TMEM9B: variants seen among roughly 807,000 people sequenced by gnomAD.
The protein encoded by TMEM9B is TMEM9 domain family member B, also known as transmembrane protein 9B.
TMEM9B carries 8 observed loss-of-function variants against 23.5 expected under a neutral mutation model. The observed-to-expected ratio is 0.34, with a 90% CI of 0.20 to 0.61. The LOEUF (loss-of-function observed/expected upper bound fraction) is 0.61, where lower values mean the gene tolerates loss of function less well. Among genes scored for constraint, TMEM9B ranks in the 20% least tolerant of loss-of-function variants. The pLI is 0.78. For synonymous variants in TMEM9B, 106 were observed against 96.3 expected (o/e 1.10, Z -0.59); for missense variants, 197 against 252.3 (o/e 0.78, Z 1.49).
In TMEM9B at chr11:8,957,327, A is replaced by T. The variant is rs559578109; in HGVS notation, c.198-1029T>A. 6.6e-6 allele frequency among the ~76,000 whole-genome samples: 1 copy of T among 152,246 alleles called. No homozygotes were observed. On this transcript the variant is annotated intron_variant, in intron 2 of 4. Coordinates refer to ENST00000534025, the MANE Select transcript of TMEM9B (RefSeq NM_020644.3). This position sits in a 1 kb window ranked among gnomAD's most constrained non-coding sequence, Gnocchi z 4.3. ...TTATGGTTTGTGTAAACACAGTGCT[A>T]TCAGATTTTTCCTAGAAATCTGTCA...
At chr11:8,950,649 T>A (rs958115834) in intron 4 of TMEM9B, among the ~76,000 whole-genome samples, 1 of 152,256 alleles carries the variant, frequency 6.6e-6, no homozygotes, top group Non-Finnish European at 1.5e-5. Context: ...TTACCCTTTT[T>A]ATGTTTGTTC....
At chr11:8,964,460 C>T (rs941868997), upstream of TMEM9B, 146 of 1,419,882 alleles carry the variant, frequency 1.0e-4, no homozygotes, top group Admixed American at 2.1e-4. Context: ...AAGGCGTCAC[C>T]GGGCGCGCCG....
chr11:8,951,215 G>T (rs1415226987), intron 4 of TMEM9B, among the ~76,000 whole-genome samples: 1 of 152,180 alleles, frequency 6.6e-6, no homozygotes, highest in Non-Finnish European at 1.5e-5. Flanking sequence ...ATCAGGAACA[G>T]ATATTTAACG....
At chr11:8,962,454 T>C (rs764394801) in intron 1 of TMEM9B, among the ~76,000 whole-genome samples, 3 of 152,146 alleles carry the variant, frequency 2.0e-5, no homozygotes, top group Non-Finnish European at 2.9e-5. Context: ...CACATGACAA[T>C]CAAATTATGT....
At chr11:8,956,360 A>C in intron 2 of TMEM9B, 62 bp from the exon 3 acceptor site, 1 of 1,372,632 alleles carries the variant, frequency 7.3e-7, no homozygotes, top group Non-Finnish European at 1.0e-6. Context: ...GCTCTGACCA[A>C]AAGTTTCCTG....
In TMEM9B at chr11:8,948,049, A is replaced by G. The variant is rs543131465; in HGVS notation, c.*271T>C. On this transcript the variant is annotated 3_prime_UTR_variant, in exon 5 of 5. Transcript: ENST00000534025. ...TGCTTGTTCCAGGTAAAGGACTTCA[A>G]GATAATTTACAGGCAGATTTATTTT... The G allele has an allele frequency of 8.7e-5, 25 of 287,374 alleles. No homozygotes were observed. In the East Asian group the frequency reaches 1.5e-3, roughly 17 times the overall value. 17.8% of individuals were successfully genotyped at this position (287,374 alleles called of 1,614,324 possible). A position where few individuals can be genotyped will look rare whatever the true frequency, so the allele number is the denominator to read the frequency against.
In TMEM9B at chr11:8,953,299, T is replaced by C. The variant is rs750369115; in HGVS notation, c.345A>G (p.Leu115=). Reference sequence around the variant, plus strand: ...GAGTAAGATATACCATGTACAGAAGTAGAAGGCCCAAAATGGAGAGATAAA... The same window carrying C: ...GAGTAAGATATACCATGTACAGAAGCAGAAGGCCCAAAATGGAGAGATAAA... ...IIIYLSILGL[L]LLYMVYLTLV... Residue 115 remains leucine (L), a synonymous_variant, in exon 4 of 5, where the codon CTA becomes CTG. Coordinates refer to ENST00000534025, the MANE Select transcript of TMEM9B (RefSeq NM_020644.3). The C allele has an allele frequency of 6.2e-7, 1 of 1,613,886 alleles. No individual in the cohort carries two copies. The highest frequency in any genetic ancestry group is 8.5e-7 in the Non-Finnish European group (1 of 1,179,944).
In TMEM9B at chr11:8,953,396, TATG is replaced by T. The variant is rs1441011533; in HGVS notation, c.307-62_307-60del. The T allele has an allele frequency of 8.3e-6, 13 of 1,564,640 alleles. No individual in the cohort carries two copies. In the South Asian group the frequency reaches 1.4e-4, roughly 16 times the overall value. On this transcript the variant is annotated intron_variant, in intron 3 of 4. Transcript: ENST00000534025. ...TTCAAGCCCATAAATCAGAACTTTGTATGATAATAGTAAAACTGACTGACATAT... is the reference window on the plus strand; with the variant it reads ...TTCAAGCCCATAAATCAGAACTTTGTATAATAGTAAAACTGACTGACATAT...
At position 8,953,329 on chromosome 11, in the gene TMEM9B, A is replaced by C; in HGVS notation, c.315T>G (p.Ile105Met). ...GGCCCAAAATGGAGAGATAAATTAT[A>C]ATGGTAACCTAAAGGAAATTGAAAA... is the stretch of plus-strand genomic sequence containing the variant. ...ERSSVTIKVT[I>M]IIYLSILGLL... is the part of the protein sequence containing the mutation. The change falls in exon 4 of 5, where the codon ATT (isoleucine) becomes ATG (methionine). Residue 105 changes from isoleucine to methionine, a missense_variant. Physicochemically the swap from Ile to Met is conservative, Grantham distance 10 (BLOSUM62 1). Coordinates refer to ENST00000534025, the MANE Select transcript of TMEM9B (RefSeq NM_020644.3). 6.2e-7 allele frequency: 1 copy of C among 1,613,460 alleles called. No homozygotes were observed. The highest frequency in any genetic ancestry group is 8.5e-7 in the Non-Finnish European group (1 of 1,179,734).
chr11:8,963,205 T>C (rs985025517), intron 1 of TMEM9B, among the ~76,000 whole-genome samples: 5 of 152,256 alleles, frequency 3.3e-5, no homozygotes, highest in Admixed American at 6.5e-5. Flanking sequence ...TCAGGAGACG[T>C]GCTGCTGTCC....
Position 8,956,279 on chromosome 11 carries a change from C to G in TMEM9B, c.217G>C (p.Glu73Gln), listed in dbSNP as rs1392246623. ...TCAGGCCCCCGCACAGGCATGGGCT[C>G]CACAACATGAAGGCAATCACTGAAA... is the stretch of plus-strand genomic sequence containing the variant. ...QKDCDCLHVV[E>Q]PMPVRGPDVE... Residue 73 changes from glutamate (E) to glutamine (Q), a missense_variant, in exon 3 of 5, where the codon GAG (glutamate) becomes CAG (glutamine). This residue lies in a region of TMEM9B where 141 missense variants were observed against 214.1 expected (regional missense o/e 0.66). Coordinates refer to ENST00000534025, the MANE Select transcript of TMEM9B (RefSeq NM_020644.3). The G allele has an allele frequency of 6.2e-7, 1 of 1,613,208 alleles. No homozygotes were observed. The highest frequency in any genetic ancestry group is 8.5e-7 in the Non-Finnish European group (1 of 1,179,864).
chr11:8,954,734 A>G (rs1310808326), intron 3 of TMEM9B, among the ~76,000 whole-genome samples: 3 of 152,216 alleles, frequency 2.0e-5, no homozygotes, highest in Non-Finnish European at 4.4e-5. Flanking sequence ...AAAGTTCAGC[A>G]CCCTGCTGGA....
At chr11:8,952,244 C>CTATA (rs138579954) in intron 4 of TMEM9B, among the ~76,000 whole-genome samples, 76 of 110,118 alleles carry the variant, frequency 6.9e-4, no homozygotes, top group South Asian at 2.2e-3. Context: ...ATTATGCCAA[C>CTATA]TATATACACA....
At chr11:8,950,051 T>C (rs754997601) in intron 4 of TMEM9B, among the ~76,000 whole-genome samples, 12 of 151,950 alleles carry the variant, frequency 7.9e-5, no homozygotes, top group Non-Finnish European at 1.6e-4. Flanking sequence ...AGCCTATTTT[T>C]AAACTTTTAA....
intron 3 of TMEM9B, among the ~76,000 whole-genome samples, chr11:8,954,423 G>A (rs572317992): frequency 1.3e-4 from 20 of 151,930 alleles, no homozygotes; most frequent in Non-Finnish European, 2.5e-4. Context: ...CAAGTAGCTG[G>A]GACTACAGGT....
At chr11:8,950,202 T>C (rs78492988) in intron 4 of TMEM9B, among the ~76,000 whole-genome samples, 1 of 152,072 alleles carries the variant, frequency 6.6e-6, no homozygotes, top group African/African-American at 2.4e-5. Context: ...TGGCAATAAA[T>C]TGACCCAAGG....
intron 4 of TMEM9B, 128 bp downstream of exon 4, chr11:8,953,075 T>C (rs781329660): frequency 1.7e-5 from 20 of 1,164,044 alleles, no homozygotes; most frequent in Non-Finnish European, 2.4e-5. Context: ...CAGAGCTGTT[T>C]TTAGCTTCTC....
At chr11:8,952,290 TA>T in intron 4 of TMEM9B, among the ~76,000 whole-genome samples, 1 of 139,858 alleles carries the variant, frequency 7.2e-6, no homozygotes, top group Admixed American at 7.1e-5. Flanking sequence ...GCTATATATA[TA>T]TATATATAAA....
At position 8,957,809 on chromosome 11, in the gene TMEM9B, G is replaced by T. The variant is rs1566123898; in HGVS notation, c.198-1511C>A. Among the ~76,000 whole-genome samples the T allele has an allele frequency of 6.6e-6, 1 of 152,156 alleles. No homozygotes were observed. The highest frequency in any genetic ancestry group is 1.5e-5 in the Non-Finnish European group (1 of 68,026). ...CTGATCAAATCACTATATCTTATAT[G>T]AATTGAAACATCACTATGTATCCCA... is the stretch of plus-strand genomic sequence containing the variant. On this transcript the variant is annotated intron_variant, in intron 2 of 4. Transcript: ENST00000534025. This position sits in a 1 kb window ranked among gnomAD's most constrained non-coding sequence, Gnocchi z 4.3.
Sources: gnomAD v4.1 joint callset for allele counts (sites outside exome capture counted in the v4.1 genomes callset) on GRCh38, gnomAD v4.1.1 for gene constraint, gnomAD v4.1.1 regional missense constraint, Gnocchi (gnomAD v3.1) non-coding constraint, MANE v1.5 for transcripts, NCBI Gene and HGNC (gene_info 2026-07-23, HGNC 2026-07-21) for gene names.